Variants in BLTP1 observed in about 807,000 individuals in gnomAD.
BLTP1 encodes fragile site-associated protein.
chr4:122,234,637 C>G, the BLTP1 span: 1 of 1,004,700 alleles, frequency 1.0e-6, no homozygotes, highest in Non-Finnish European at 1.4e-6. Context: ...GGGAATAAAC[C>G]TTTGTGTTTG....
the BLTP1 span, chr4:122,340,850 GTGAAA>G: frequency 1.1e-6 from 1 of 935,460 alleles, no homozygotes; most frequent in Non-Finnish European, 1.3e-6. Context: ...AGTACTAAAG[GTGAAA>G]TGAAAATGAG....
chr4:122,277,602 A>G, the BLTP1 span: 2 of 950,728 alleles, frequency 2.1e-6, no homozygotes, highest in African/African-American at 1.8e-5. Flanking sequence ...TATCTGTACT[A>G]GTAATTAAAG....
At chr4:122,351,974 C>T in the BLTP1 span, among the ~76,000 whole-genome samples, 2 of 152,134 alleles carry the variant, frequency 1.3e-5, no homozygotes, top group South Asian at 4.1e-4. Context: ...ATTAGTGCTT[C>T]TCAAACTTAA....
At chr4:122,269,085 A>G in the BLTP1 span, 1 of 965,580 alleles carries the variant, frequency 1.0e-6, no homozygotes, top group Non-Finnish European at 1.2e-6. Context: ...ACCTACACAT[A>G]CTCTCTAGGG....
chr4:122,188,596 T>A, the BLTP1 span, among the ~76,000 whole-genome samples: 1 of 151,160 alleles, frequency 6.6e-6, no homozygotes, highest in Non-Finnish European at 1.5e-5. Context: ...CAGTTTTCCA[T>A]CTAGCTTTCC....
the BLTP1 span, among the ~76,000 whole-genome samples, chr4:122,296,290 C>T: frequency 6.6e-6 from 1 of 152,112 alleles, no homozygotes; most frequent in Non-Finnish European, 1.5e-5. Context: ...AGAAGAGACC[C>T]AAATCATGAA....
chr4:122,224,114 T>C, the BLTP1 span: 1 of 980,776 alleles, frequency 1.0e-6, no homozygotes, highest in Non-Finnish European at 1.2e-6. Context: ...AGTTCTTCAA[T>C]GTTGTCTTCC....
At chr4:122,222,508 A>G in the BLTP1 span, among the ~76,000 whole-genome samples, 4 of 152,274 alleles carry the variant, frequency 2.6e-5, no homozygotes, top group Non-Finnish European at 5.9e-5. Context: ...ACAGAAATTT[A>G]TTCTCTCACA....
At chr4:122,240,767 C>A in the BLTP1 span, among the ~76,000 whole-genome samples, 5 of 152,166 alleles carry the variant, frequency 3.3e-5, no homozygotes, top group Admixed American at 3.3e-4. Flanking sequence ...TCTTATAATT[C>A]AGTATGAATA....
chr4:122,246,804 T>A, the BLTP1 span: 1 of 1,612,630 alleles, frequency 6.2e-7, no homozygotes, highest in African/African-American at 1.3e-5. Flanking sequence ...CAGGTTCGCA[T>A]GAACAGGTAA....
the BLTP1 span, among the ~76,000 whole-genome samples, chr4:122,158,131 T>A: frequency 6.6e-6 from 1 of 152,200 alleles, no homozygotes; most frequent in Non-Finnish European, 1.5e-5. Flanking sequence ...TTTAGTGTTA[T>A]TTAGTGTTTT....
chr4:122,307,807 T>C, the BLTP1 span: 5 of 1,466,932 alleles, frequency 3.4e-6, no homozygotes, highest in Non-Finnish European at 4.5e-6. Context: ...TCCTCTTAGA[T>C]CTTTCCTAAT....
At chr4:122,356,799 C>G in the BLTP1 span, 1 of 1,583,966 alleles carries the variant, frequency 6.3e-7, no homozygotes, top group East Asian at 2.2e-5. Flanking sequence ...AGAATGGCAG[C>G]TGTCAATGCC....
At chr4:122,212,224 C>T in the BLTP1 span, among the ~76,000 whole-genome samples, 3 of 151,932 alleles carry the variant, frequency 2.0e-5, no homozygotes, top group Admixed American at 2.0e-4. Flanking sequence ...TGAAAAACTA[C>T]CATAAATCAT....
the BLTP1 span, chr4:122,354,039 A>G: frequency 6.2e-7 from 1 of 1,605,810 alleles, no homozygotes; most frequent in Non-Finnish European, 8.5e-7. Context: ...GAGTCTTTGG[A>G]GAGATTTATT....
At chr4:122,192,679 G>T in the BLTP1 span, among the ~76,000 whole-genome samples, 3 of 151,966 alleles carry the variant, frequency 2.0e-5, no homozygotes, top group Non-Finnish European at 4.4e-5. Flanking sequence ...AATCAACAAC[G>T]ATTTCTTCAT....
chr4:122,206,428 G>A, the BLTP1 span, among the ~76,000 whole-genome samples: 1 of 151,920 alleles, frequency 6.6e-6, no homozygotes, highest in Admixed American at 6.6e-5. Flanking sequence ...CGGTAGGAGT[G>A]TAAATGGACT....
the BLTP1 span, chr4:122,199,331 T>C: frequency 2.7e-5 from 44 of 1,606,906 alleles, 1 homozygote; most frequent in African/African-American, 4.3e-4. Context: ...GTTTTCCTGG[T>C]TCTTAGTTTT....
At chr4:122,344,524 T>C in the BLTP1 span, 3 of 1,613,524 alleles carry the variant, frequency 1.9e-6, no homozygotes, top group Non-Finnish European at 2.5e-6. Flanking sequence ...TAAGCAAGTC[T>C]GCAAGCAAAA....
Sources: gnomAD v4.1 joint callset for allele counts (sites outside exome capture counted in the v4.1 genomes callset) on GRCh38, gnomAD v4.1.1 for gene constraint, MANE v1.5 for transcripts, NCBI Gene and HGNC (gene_info 2026-07-23, HGNC 2026-07-21) for gene names.